The following NUBPL variants were observed in gnomAD, a reference collection of about 807,000 sequenced individuals.
NUBPL encodes NUBP iron-sulfur cluster assembly factor, mitochondrial, also known as iron-sulfur cluster transfer protein NUBPL.
NUBPL carries 31 observed loss-of-function variants against 45.7 expected under a neutral mutation model. That is an observed-to-expected ratio of 0.68 (90% confidence interval 0.51 to 0.92). The LOEUF (loss-of-function observed/expected upper bound fraction) is 0.92. Among genes scored for constraint, NUBPL ranks in the 40% least tolerant of loss-of-function variants. NUBPL has a pLI of 0.00. For synonymous variants in NUBPL, 144 were observed against 140.9 expected (o/e 1.02, Z -0.15); for missense variants, 401 against 398.7 (o/e 1.01, Z -0.05).
rs142872379 is a variant in NUBPL, at chr14:31,813,024, G to A, written c.608-13605G>A. ...TTTTGAGGTGGAGTCTTGCTCTGTC[G>A]CCTAGGCTGGAGTGCAGTGTAGTGG... is the stretch of plus-strand genomic sequence containing the variant. On this transcript the variant is annotated intron_variant, in intron 7 of 10. Transcript: ENST00000281081. 2.8e-3 allele frequency among the ~76,000 whole-genome samples: 386 copies of A among 138,580 alleles called. 3 individuals are homozygous for A. The highest frequency in any genetic ancestry group is 9.8e-3 in the African/African-American group (361 of 36,864). 90.9% of individuals were successfully genotyped at this position (138,580 alleles called of 152,430 possible).
At chr14:31,802,553 G>C (rs1244981237) in intron 7 of NUBPL, among the ~76,000 whole-genome samples, 1 of 152,190 alleles carries the variant, frequency 6.6e-6, no homozygotes. Flanking sequence ...TGGGATTACA[G>C]GCGTGAGCCA....
chr14:31,788,961 C>T (rs1404372476), intron 7 of NUBPL, among the ~76,000 whole-genome samples: 2 of 152,188 alleles, frequency 1.3e-5, no homozygotes, highest in Non-Finnish European at 2.9e-5. Flanking sequence ...TGGTTCACTG[C>T]TGTGCAGCAT....
chr14:31,641,309 A>T (rs114926891), intron 4 of NUBPL, among the ~76,000 whole-genome samples: 2 of 152,106 alleles, frequency 1.3e-5, no homozygotes, highest in Non-Finnish European at 2.9e-5. Flanking sequence ...ACCTCTCTTC[A>T]TCACTCCCTT....
intron 3 of NUBPL, among the ~76,000 whole-genome samples, chr14:31,591,202 A>G (rs2034133400): frequency 6.6e-6 from 1 of 152,142 alleles, no homozygotes; most frequent in South Asian, 2.1e-4. Context: ...TCACTCTGTC[A>G]CCCAGGCTGG....
chr14:31,838,102 A>G (rs2040310865), intron 8 of NUBPL, among the ~76,000 whole-genome samples: 1 of 152,150 alleles, frequency 6.6e-6, no homozygotes, highest in Non-Finnish European at 1.5e-5. Context: ...ATGAGAGTCT[A>G]CTACACATTC....
intron 10 of NUBPL, among the ~76,000 whole-genome samples, chr14:31,857,295 C>A (rs538952062): frequency 6.6e-6 from 1 of 152,308 alleles, no homozygotes; most frequent in East Asian, 1.9e-4. Flanking sequence ...CTAGTCTCCA[C>A]ACAACACGGG....
intron 3 of NUBPL, among the ~76,000 whole-genome samples, chr14:31,577,696 G>T (rs1053801259): frequency 6.6e-6 from 1 of 152,206 alleles, no homozygotes; most frequent in Admixed American, 6.5e-5. Context: ...ACAGGCATGG[G>T]CCACCGCACC....
chr14:31,849,110 G>A (rs1214039335), intron 9 of NUBPL, among the ~76,000 whole-genome samples: 1 of 152,146 alleles, frequency 6.6e-6, no homozygotes, highest in Non-Finnish European at 1.5e-5. Context: ...TAAGATCACA[G>A]CATTTGACAA....
chr14:31,847,652 G>T (rs1268893363), intron 9 of NUBPL, among the ~76,000 whole-genome samples: 2 of 152,166 alleles, frequency 1.3e-5, no homozygotes, highest in Non-Finnish European at 2.9e-5. Flanking sequence ...AATAGGGAAG[G>T]CATAAAGTGA....
chr14:31,561,756 C>T, intron 1 of NUBPL: 1 of 578,828 alleles, frequency 1.7e-6, no homozygotes, highest in Non-Finnish European at 3.0e-6. Context: ...TTCTACATTG[C>T]TTTCTTGGCT....
intron 6 of NUBPL, among the ~76,000 whole-genome samples, chr14:31,741,493 T>A (rs1229432979): frequency 1.3e-5 from 2 of 152,128 alleles, no homozygotes; most frequent in Non-Finnish European, 2.9e-5. Flanking sequence ...TGAGAGTAGA[T>A]CTTTGTAAGG....
At chr14:31,684,478 T>C (rs982458935) in intron 6 of NUBPL, among the ~76,000 whole-genome samples, 3 of 152,318 alleles carry the variant, frequency 2.0e-5, no homozygotes, top group Admixed American at 1.3e-4. Context: ...TTCAATTTAA[T>C]TATCCGTTAG....
At chr14:31,786,164 G>GAATA (rs5807633) in intron 6 of NUBPL, among the ~76,000 whole-genome samples, 2 of 151,600 alleles carry the variant, frequency 1.3e-5, no homozygotes, top group East Asian at 1.9e-4. Flanking sequence ...TCACAAAAAT[G>GAATA]AATAAATAAA....
chr14:31,689,091 C>T (rs375551536), intron 6 of NUBPL, among the ~76,000 whole-genome samples: 2 of 151,922 alleles, frequency 1.3e-5, no homozygotes, highest in East Asian at 1.9e-4. Flanking sequence ...AGGTTGATTC[C>T]GTGCCTTTGC....
chr14:31,636,256 A>T (rs7140146), intron 4 of NUBPL, among the ~76,000 whole-genome samples: 1 of 151,078 alleles, frequency 6.6e-6, no homozygotes, highest in African/African-American at 2.5e-5. Context: ...TTATTTTGAG[A>T]TACGTCCCAT....
chr14:31,721,613 CG>C (rs879610582), intron 6 of NUBPL, among the ~76,000 whole-genome samples: 57 of 151,228 alleles, frequency 3.8e-4, no homozygotes, highest in African/African-American at 1.2e-3. Flanking sequence ...TCTCTAGTAA[CG>C]TTTTTTTTTT....
intron 6 of NUBPL, among the ~76,000 whole-genome samples, chr14:31,767,197 T>A (rs1047374316): frequency 6.6e-6 from 1 of 152,060 alleles, no homozygotes; most frequent in East Asian, 1.9e-4. Flanking sequence ...TCTGGCTTAT[T>A]TATTTATTTT....
intron 6 of NUBPL, among the ~76,000 whole-genome samples, chr14:31,765,305 T>G (rs2038891487): frequency 6.6e-6 from 1 of 152,244 alleles, no homozygotes; most frequent in African/African-American, 2.4e-5. Flanking sequence ...TCTAGGCACA[T>G]GGAAAAGATA....
In NUBPL at chr14:31,860,623, G is replaced by C. The variant is rs568496876; in HGVS notation, c.*1443G>C. 3.5e-4 allele frequency: 54 copies of C among 152,252 alleles called. No homozygotes were observed. The highest frequency in any genetic ancestry group is 1.3e-3 in the African/African-American group (52 of 41,544). The allele number at this position is 152,252 out of a possible 1,614,324, so 9.4% of individuals were successfully genotyped here. ...ATGTCTTGACATCTGTTGCTCTACAGTTGTCAACTAGAAAATTAGGCATAG... is the reference window on the plus strand; with the variant it reads ...ATGTCTTGACATCTGTTGCTCTACACTTGTCAACTAGAAAATTAGGCATAG... On this transcript the variant is annotated 3_prime_UTR_variant, in exon 11 of 11. Transcript: ENST00000281081.
Sources: gnomAD v4.1 joint callset for allele counts (sites outside exome capture counted in the v4.1 genomes callset) on GRCh38, gnomAD v4.1.1 for gene constraint, MANE v1.5 for transcripts, NCBI Gene and HGNC (gene_info 2026-07-23, HGNC 2026-07-21) for gene names.